DGLUCY: variants seen among roughly 807,000 people sequenced by gnomAD.
DGLUCY encodes the protein D-glutamate cyclase.
A neutral mutation model predicts 58.5 loss-of-function variants in DGLUCY; 58 were observed. That is an observed-to-expected ratio of 0.99 (90% CI 0.80 to 1.23). The LOEUF is 1.23. Among genes scored for constraint, DGLUCY ranks in the 50% most tolerant of loss-of-function variants. DGLUCY has a pLI of 0.00. For synonymous variants in DGLUCY, 325 were observed against 314.1 expected, an observed-to-expected ratio of 1.03 and a Z score of -0.37; for missense variants, 779 against 784.7, an observed-to-expected ratio of 0.99 and a Z score of 0.09.
chr14:91,212,261 C>T (rs905146079), intron 12 of DGLUCY, among the ~76,000 whole-genome samples: 6 of 152,206 alleles, frequency 3.9e-5, no homozygotes, highest in African/African-American at 1.4e-4. Context: ...AACCCTAACA[C>T]TTTGGGAGAC....
intron 6 of DGLUCY, among the ~76,000 whole-genome samples, chr14:91,174,552 C>T (rs1013361567): frequency 4.6e-5 from 7 of 152,148 alleles, no homozygotes; most frequent in African/African-American, 1.7e-4. Flanking sequence ...GTGGTCTGCC[C>T]GTCTTGGCCT....
rs2045534805 is a variant in DGLUCY, at chr14:91,123,900, G to A, written c.-82+9617G>A. On this transcript the variant is annotated intron_variant, in intron 1 of 13. Coordinates refer to ENST00000256324, the MANE Select transcript of DGLUCY (RefSeq NM_001102368.3). ...GCCTGTTTTTTTCAATGTTTTAACA[G>A]CGCATCTTTTGGCTTTAATAATCAG... Among the ~76,000 whole-genome samples, 3 of 151,346 alleles carry A rather than the reference G, an allele frequency of 2.0e-5. No individual in the cohort carries two copies. The South Asian group carries it at 6.3e-4, about 32-fold the overall frequency.
At chr14:91,096,820 C>T (rs758222814) in intron 1 of DGLUCY, among the ~76,000 whole-genome samples, 1 of 152,112 alleles carries the variant, frequency 6.6e-6, no homozygotes, top group Non-Finnish European at 1.5e-5. Context: ...ACAAGTTGGC[C>T]CACTGAGAGG....
At chr14:91,184,970 A>AT (rs1051607182) in intron 8 of DGLUCY, among the ~76,000 whole-genome samples, 52 of 149,910 alleles carry the variant, frequency 3.5e-4, no homozygotes, top group Admixed American at 2.5e-3. Context: ...CCCTGGGTGG[A>AT]TTTTTTTTTT....
chr14:91,111,274 CTA>C (rs1245318145), upstream of DGLUCY, among the ~76,000 whole-genome samples: 3 of 116,880 alleles, frequency 2.6e-5, no homozygotes, highest in African/African-American at 6.0e-5. Flanking sequence ...CTATATCTAT[CTA>C]TATATATATA....
chr14:91,097,244 C>A, intron 1 of DGLUCY, among the ~76,000 whole-genome samples: 1 of 151,860 alleles, frequency 6.6e-6, no homozygotes, highest in East Asian at 1.9e-4. Flanking sequence ...CGAAAAAATA[C>A]AAAAATTAGC....
chr14:91,104,065 T>TTTTTTTTTTTC (rs1269037094), upstream of DGLUCY, among the ~76,000 whole-genome samples: 985 of 4,938 alleles, frequency 0.2, 92 homozygotes, highest in African/African-American at 0.31. Flanking sequence ...AACATTCTTT[T>TTTTTTTTTTTC]TTTTTTTTTT....
intron 3 of DGLUCY, among the ~76,000 whole-genome samples, chr14:91,162,794 T>G (rs1298218563): frequency 1.3e-5 from 2 of 151,044 alleles, no homozygotes; most frequent in Non-Finnish European, 2.9e-5. Flanking sequence ...TTACTTGGGA[T>G]GCTGAGGCAG....
At chr14:91,077,534 ACAAGGT>A (rs1448180032) in intron 1 of DGLUCY, among the ~76,000 whole-genome samples, 8 of 152,028 alleles carry the variant, frequency 5.3e-5, no homozygotes, top group Non-Finnish European at 7.4e-5. Flanking sequence ...TGGGAGGATC[ACAAGGT>A]CAATAGATCG....
chr14:91,136,829 C>T (rs924145871), intron 1 of DGLUCY, among the ~76,000 whole-genome samples: 4 of 151,932 alleles, frequency 2.6e-5, no homozygotes, highest in African/African-American at 7.3e-5. Context: ...ATTAGTCAGG[C>T]GTGGTGGTAC....
At chr14:91,165,842 C>G (rs943526362) in intron 3 of DGLUCY, among the ~76,000 whole-genome samples, 14 of 152,256 alleles carry the variant, frequency 9.2e-5, no homozygotes, top group Middle Eastern at 3.4e-3. Context: ...TATAACTTAC[C>G]ACCCCAGAAA....
rs1888023233 is a variant in DGLUCY at position 91,225,122 on chromosome 14, C to A, written c.*289C>A. ...GGCTTCTTCAGGCAACCCACGTGGT[C>A]TCCTGTGAGAATCTTCTCGACAGTT... On this transcript the variant is annotated 3_prime_UTR_variant, in exon 14 of 14. Coordinates refer to ENST00000256324, the MANE Select transcript of DGLUCY (RefSeq NM_001102368.3). 3.8e-5 allele frequency: 10 copies of A among 261,024 alleles called. No individual in the cohort carries two copies. The South Asian group carries it at 1.1e-3, about 28-fold the overall frequency. The allele number at this position is 261,024 out of a possible 1,614,324, so 16.2% of individuals were successfully genotyped here. A position where few individuals can be genotyped will look rare whatever the true frequency, so the allele number is the denominator to read the frequency against.
intron 1 of DGLUCY, among the ~76,000 whole-genome samples, chr14:91,128,146 G>C (rs541584074): frequency 1.3e-5 from 2 of 151,870 alleles, no homozygotes; most frequent in Non-Finnish European, 2.9e-5. Context: ...ACAGAATTCT[G>C]AGTTACTTAG....
chr14:91,207,674 A>G (rs768382647), intron 12 of DGLUCY, among the ~76,000 whole-genome samples: 2 of 152,268 alleles, frequency 1.3e-5, no homozygotes, highest in Admixed American at 6.5e-5. Flanking sequence ...GAACAAAGGT[A>G]AAAATTACAT....
chr14:91,116,189 T>G (rs963314267), intron 1 of DGLUCY, among the ~76,000 whole-genome samples: 1 of 152,228 alleles, frequency 6.6e-6, no homozygotes, highest in Non-Finnish European at 1.5e-5. Flanking sequence ...AAAAAAAAGT[T>G]TATTTTCTTA....
At chr14:91,143,536 T>C (rs994506618) in intron 1 of DGLUCY, among the ~76,000 whole-genome samples, 1 of 152,160 alleles carries the variant, frequency 6.6e-6, no homozygotes, top group Non-Finnish European at 1.5e-5. Flanking sequence ...TCTCCAACCG[T>C]TTCTCCACAC....
At chr14:91,190,784 G>A (rs1008925758) in intron 9 of DGLUCY, among the ~76,000 whole-genome samples, 12 of 152,186 alleles carry the variant, frequency 7.9e-5, no homozygotes, top group African/African-American at 2.9e-4. Flanking sequence ...GACCCTGTGG[G>A]CAGCTGGGCT....
intron 11 of DGLUCY, among the ~76,000 whole-genome samples, chr14:91,202,732 C>G (rs547149832): frequency 4.1e-4 from 63 of 152,300 alleles, no homozygotes; most frequent in Non-Finnish European, 7.5e-4. Context: ...CCCGTCCTCC[C>G]ACACCCGCAA....
chr14:91,162,969 C>T (rs1173191760), intron 3 of DGLUCY, among the ~76,000 whole-genome samples: 1 of 150,622 alleles, frequency 6.6e-6, no homozygotes, highest in African/African-American at 2.4e-5. Flanking sequence ...ATTAAAGATA[C>T]AATTTGTGCT....
Sources: gnomAD v4.1 joint callset for allele counts (sites outside exome capture counted in the v4.1 genomes callset) on GRCh38, gnomAD v4.1.1 for gene constraint, MANE v1.5 for transcripts, NCBI Gene and HGNC (gene_info 2026-07-23, HGNC 2026-07-21) for gene names.